Variants in DHX30 observed in about 807,000 individuals in gnomAD.
The protein encoded by DHX30 is ATP-dependent RNA helicase DHX30.
DHX30 carries 4 observed loss-of-function variants against 116.9 expected under a neutral mutation model. That is an observed-to-expected ratio of 0.03 (90% CI 0.02 to 0.08). The LOEUF (loss-of-function observed/expected upper bound fraction) is 0.08, where lower values mean the gene tolerates loss of function less well. Ranked by LOEUF, DHX30 falls within the 10% of genes least tolerant of loss-of-function variation. The pLI, the probability that DHX30 is intolerant of heterozygous loss-of-function variation, is 1.00. For synonymous variants in DHX30, 697 were observed against 651.7 expected, an observed-to-expected ratio of 1.07 and a Z score of -1.06; for missense variants, 871 against 1,595.1, an observed-to-expected ratio of 0.55 and a Z score of 7.73.
chr3:47,818,434 T>C (rs968975521), intron 4 of DHX30, among the ~76,000 whole-genome samples: 4 of 152,108 alleles, frequency 2.6e-5, no homozygotes, highest in Non-Finnish European at 5.9e-5. Flanking sequence ...GCCTCGAGGC[T>C]CCTAGAAGTC....
intron 6 of DHX30, among the ~76,000 whole-genome samples, chr3:47,831,362 C>A (rs545818794): frequency 2.9e-4 from 44 of 152,242 alleles, no homozygotes; most frequent in African/African-American, 9.1e-4. Context: ...CATGAGAGAT[C>A]TGCCCCCATG....
intron 4 of DHX30, among the ~76,000 whole-genome samples, chr3:47,821,593 C>T (rs1329915185): frequency 1.4e-5 from 2 of 147,718 alleles, no homozygotes; most frequent in African/African-American, 5.0e-5. Context: ...TCTTTAAGGT[C>T]CTTTACTGAT....
chr3:47,819,229 C>T (rs775320239), intron 4 of DHX30: 15 of 1,367,620 alleles, frequency 1.1e-5, no homozygotes, highest in Admixed American at 1.9e-5. Flanking sequence ...CCCTGTAACT[C>T]GAAAAGGCTG....
At chr3:47,838,140 A>G (rs1294039053) in intron 6 of DHX30, among the ~76,000 whole-genome samples, 1 of 152,214 alleles carries the variant, frequency 6.6e-6, no homozygotes, top group African/African-American at 2.4e-5. Flanking sequence ...GCGGTGACGC[A>G]AAAGTGTGGC....
intron 6 of DHX30, among the ~76,000 whole-genome samples, chr3:47,839,265 G>T (rs2037254124): frequency 6.6e-6 from 1 of 150,998 alleles, no homozygotes; most frequent in South Asian, 2.1e-4. Flanking sequence ...TCCTAACATA[G>T]GATTCTTATA....
At chr3:47,839,768 C>G (rs2037282990) in intron 6 of DHX30, among the ~76,000 whole-genome samples, 1 of 152,084 alleles carries the variant, frequency 6.6e-6, no homozygotes, top group Non-Finnish European at 1.5e-5. Context: ...CACTGCCTCC[C>G]AGGTTCAAGC....
intron 3 of DHX30, chr3:47,816,879 C>T: frequency 1.0e-6 from 1 of 984,280 alleles, no homozygotes; most frequent in Non-Finnish European, 1.2e-6. Flanking sequence ...TTGTATCTAC[C>T]ACCTTGATTC....
chr3:47,828,463 C>CAA (rs541910100), intron 5 of DHX30, among the ~76,000 whole-genome samples: 43 of 52,102 alleles, frequency 8.3e-4, no homozygotes, highest in African/African-American at 1.1e-3. Context: ...CTGTCCCCCA[C>CAA]AAAAAAAAAA....
intron 6 of DHX30, among the ~76,000 whole-genome samples, 169 bp downstream of exon 6, chr3:47,829,303 TA>T: frequency 2.4e-5 from 1 of 41,416 alleles, no homozygotes; most frequent in Non-Finnish European, 5.6e-5. Context: ...TATATATATA[TA>T]TATATATATA....
rs1327774115 is a variant in DHX30, at chr3:47,848,399, G to GGGGCA, written c.2493+17_2493+21dup. Reference sequence around the variant, plus strand: ...GCCTGAGAAGACGGTGCGGCGGGGCGGGGCAGGGGCTGGCCTGGGGACCAG... The same window carrying GGGGCA: ...GCCTGAGAAGACGGTGCGGCGGGGCGGGGCAGGGCAGGGGCTGGCCTGGGGACCAG... On this transcript the variant is annotated intron_variant, in intron 15 of 21. Transcript: ENST00000445061. The surrounding 1 kb of genome is among the most constrained non-coding windows in gnomAD (Gnocchi z 9.4). 6.2e-6 allele frequency: 10 copies of GGGGCA among 1,613,652 alleles called. No homozygotes were observed. In the African/African-American group the frequency reaches 1.3e-4, roughly 22 times the overall value.
At chr3:47,827,022 TGG>T (rs1038573256) in intron 4 of DHX30, among the ~76,000 whole-genome samples, 9 of 152,156 alleles carry the variant, frequency 5.9e-5, no homozygotes, top group Admixed American at 1.3e-4. Context: ...GACATCAGAC[TGG>T]GGGGTTTATT....
chr3:47,833,522 A>ACT (rs796828596), intron 6 of DHX30, among the ~76,000 whole-genome samples: 4 of 102,186 alleles, frequency 3.9e-5, no homozygotes, highest in Admixed American at 2.5e-4. Context: ...GCAAAGCAGG[A>ACT]CTCTCTCTCT....
chr3:47,809,259 T>TTTTTTA (rs2035679033), intron 2 of DHX30, among the ~76,000 whole-genome samples: 1 of 128,280 alleles, frequency 7.8e-6, no homozygotes, highest in Admixed American at 8.2e-5. Context: ...TTTTTTTTTT[T>TTTTTTA]GAGACGGAGT....
intron 4 of DHX30, chr3:47,822,381 G>T (rs1388539626): frequency 6.5e-6 from 1 of 152,782 alleles, no homozygotes; most frequent in Admixed American, 6.5e-5. Context: ...AGAAAAAAAG[G>T]TTTAATGGAT....
At chr3:47,838,964 G>T (rs1219026965) in intron 6 of DHX30, among the ~76,000 whole-genome samples, 1 of 151,754 alleles carries the variant, frequency 6.6e-6, no homozygotes, top group East Asian at 2.0e-4. Flanking sequence ...GCCTCGATCT[G>T]TAGGCCTCAA....
At chr3:47,812,954 C>T (rs1367000941) in intron 3 of DHX30, among the ~76,000 whole-genome samples, 1 of 151,672 alleles carries the variant, frequency 6.6e-6, no homozygotes, top group African/African-American at 2.4e-5. Context: ...CGTGAGCCAC[C>T]AGCAGGAGAT....
In DHX30 at chr3:47,827,493, G is replaced by A; in HGVS notation, c.255+16G>A. The A allele has an allele frequency of 6.2e-7, 1 of 1,604,774 alleles. No homozygotes were observed. Among genetic ancestry groups the A allele is most frequent in the Non-Finnish European group, 8.5e-7 (1 of 1,176,654 alleles). Reference sequence around the variant, plus strand: ...GAAGAAAAAGGTAACTCTGCTGGTGGCAAGGAAAAACATTGGTATGACTCA... The same window carrying A: ...GAAGAAAAAGGTAACTCTGCTGGTGACAAGGAAAAACATTGGTATGACTCA... On this transcript the variant is annotated intron_variant, in intron 5 of 21. Transcript: ENST00000445061.
intron 4 of DHX30, chr3:47,825,384 C>T (rs1026079370): frequency 2.3e-4 from 118 of 522,782 alleles, no homozygotes; most frequent in Middle Eastern, 1.9e-3. Flanking sequence ...CATCCGTCGG[C>T]GGGCAGCGGC....
intron 3 of DHX30, chr3:47,816,261 A>G (rs2036047032): frequency 1.0e-6 from 1 of 985,372 alleles, no homozygotes; most frequent in African/African-American, 1.7e-5. Flanking sequence ...AAAATATGAC[A>G]AAAAACAATT....
Sources: allele counts gnomAD v4.1 joint callset (sites outside exome capture counted in the v4.1 genomes callset), GRCh38; gene constraint gnomAD v4.1.1; non-coding constraint Gnocchi (gnomAD v3.1); transcripts MANE v1.5; gene names NCBI Gene and HGNC (gene_info 2026-07-23, HGNC 2026-07-21).